Variants in CDK6 observed in about 807,000 individuals in gnomAD.
CDK6 encodes the protein cyclin-dependent kinase 6.
In CDK6, 6 loss-of-function variants were observed where a neutral mutation model predicts 37.1. That is an observed-to-expected ratio of 0.16 (90% CI 0.09 to 0.32). The LOEUF (loss-of-function observed/expected upper bound fraction) is 0.32, where lower values mean the gene tolerates loss of function less well. Ranked by LOEUF, CDK6 falls within the 10% of genes least tolerant of loss-of-function variation. CDK6 has a pLI of 1.00. For missense variants in CDK6, 224 were observed against 418.9 expected, an observed-to-expected ratio of 0.53 and a Z score of 4.06; for synonymous variants, 160 against 161.3, an observed-to-expected ratio of 0.99 and a Z score of 0.06.
At chr7:92,709,985 A>G (rs1798051016) in intron 4 of CDK6, among the ~76,000 whole-genome samples, 1 of 152,228 alleles carries the variant, frequency 6.6e-6, no homozygotes, top group South Asian at 2.1e-4. Context: ...TGCTTTATAA[A>G]ACATTTTATT....
At chr7:92,780,159 G>A (rs1198251105) in intron 2 of CDK6, among the ~76,000 whole-genome samples, 1 of 152,036 alleles carries the variant, frequency 6.6e-6, no homozygotes. Flanking sequence ...TTTTAGTAAG[G>A]ATGGGTTTCA....
At chr7:92,836,241 C>A (rs1043233317) in intron 1 of CDK6, among the ~76,000 whole-genome samples, 1 of 151,596 alleles carries the variant, frequency 6.6e-6, no homozygotes, top group Non-Finnish European at 1.5e-5. Flanking sequence ...GGATCTCCCC[C>A]TCTCATCAGA....
rs1799810174 is a variant in CDK6, at chr7:92,774,890, G to A, written c.234-59C>T. The A allele has an allele frequency of 6.0e-6, 9 of 1,502,742 alleles. No individual in the cohort carries two copies. The Admixed American group carries it at 1.1e-4, about 19-fold the overall frequency. 93.1% of individuals were successfully genotyped at this position (1,502,742 alleles called of 1,614,324 possible). A position where few individuals can be genotyped will look rare whatever the true frequency, so the allele number is the denominator to read the frequency against. On this transcript the variant is annotated intron_variant, in intron 2 of 7. Transcript: ENST00000424848. The stretch of plus-strand genomic sequence containing the variant: ...CAATAAGCAAAGAAGTAACCTGTAT[G>A]TTTTATACATATCGCTCAATTTGGT...
In CDK6 at chr7:92,772,823, T is replaced by A. The variant is rs535152194; in HGVS notation, c.369+1873A>T. ...CTTATCAACATTTTAACTGCACAGA[T>A]GCCTTTGCAAATGATTCCACTCAGT... On this transcript the variant is annotated intron_variant, in intron 3 of 7. Transcript: ENST00000424848. 2.0e-5 allele frequency among the ~76,000 whole-genome samples: 3 copies of A among 152,318 alleles called. No homozygotes were observed. The East Asian group carries it at 5.8e-4, about 29-fold the overall frequency.
chr7:92,788,961 ATT>A (rs533300196), intron 2 of CDK6, among the ~76,000 whole-genome samples: 1 of 147,418 alleles, frequency 6.8e-6, no homozygotes, highest in African/African-American at 2.5e-5. Flanking sequence ...TCTACAAAAG[ATT>A]TTTTTTTTTT....
At chr7:92,780,750 C>T (rs563708214) in intron 2 of CDK6, among the ~76,000 whole-genome samples, 9 of 137,064 alleles carry the variant, frequency 6.6e-5, no homozygotes, top group South Asian at 4.5e-4. Flanking sequence ...GGGCAATGAG[C>T]GAGACTCCAT....
chr7:92,693,978 A>G (rs1797653375), intron 4 of CDK6, among the ~76,000 whole-genome samples: 1 of 152,220 alleles, frequency 6.6e-6, no homozygotes, highest in Admixed American at 6.5e-5. Flanking sequence ...ACGTCTGTTC[A>G]TAATCATTTA....
intron 3 of CDK6, among the ~76,000 whole-genome samples, chr7:92,742,950 C>G (rs1017876924): frequency 6.6e-6 from 1 of 151,614 alleles, no homozygotes; most frequent in Non-Finnish European, 1.5e-5. Context: ...CTAAAATAGG[C>G]TAAAAGGCAG....
intron 2 of CDK6, among the ~76,000 whole-genome samples, chr7:92,775,094 G>T (rs770318423): frequency 2.6e-5 from 4 of 152,230 alleles, no homozygotes; most frequent in African/African-American, 4.8e-5. Context: ...TGGAGCACAA[G>T]AACGCTTGGA....
At chr7:92,720,786 C>A (rs920753298) in intron 4 of CDK6, among the ~76,000 whole-genome samples, 10 of 152,174 alleles carry the variant, frequency 6.6e-5, no homozygotes, top group African/African-American at 2.2e-4. Flanking sequence ...CCATGCACTA[C>A]ATTTCACATG....
intron 5 of CDK6, among the ~76,000 whole-genome samples, chr7:92,639,572 C>T (rs1408677568): frequency 6.6e-6 from 1 of 152,238 alleles, no homozygotes; most frequent in East Asian, 1.9e-4. Flanking sequence ...GGCACCCTCA[C>T]GCCTAATGAT....
At chr7:92,648,090 T>G (rs1460915556) in intron 5 of CDK6, among the ~76,000 whole-genome samples, 1 of 152,126 alleles carries the variant, frequency 6.6e-6, no homozygotes, top group African/African-American at 2.4e-5. Context: ...AACCCGTGTG[T>G]GTGTGTGGGT....
At position 92,614,945 on chromosome 7, in the gene CDK6, C is replaced by G. The variant is rs188317569; in HGVS notation, c.*195G>C. 6.5e-4 allele frequency: 315 copies of G among 484,308 alleles called. No individual in the cohort carries two copies. Among genetic ancestry groups the G allele is most frequent in the African/African-American group, 5.7e-3 (297 of 52,502 alleles). 30.0% of individuals were successfully genotyped at this position (484,308 alleles called of 1,614,324 possible). ...AACAAACAAACAAATGAACATAAAG[C>G]TGCAATCACTCTTGCATTGATTTCA... is the stretch of plus-strand genomic sequence containing the variant. On this transcript the variant is annotated 3_prime_UTR_variant, in exon 8 of 8. Coordinates refer to ENST00000424848, the MANE Select transcript of CDK6 (RefSeq NM_001145306.2).
At chr7:92,726,617 C>T (rs1798518642) in intron 3 of CDK6, among the ~76,000 whole-genome samples, 1 of 152,086 alleles carries the variant, frequency 6.6e-6, no homozygotes, top group African/African-American at 2.4e-5. Context: ...CACTATGTTG[C>T]CCAGGCTGGT....
intron 5 of CDK6, among the ~76,000 whole-genome samples, chr7:92,658,581 T>TCTCTCTCTC (rs1796760977): frequency 6.1e-5 from 9 of 146,532 alleles, no homozygotes; most frequent in African/African-American, 1.8e-4. Context: ...CTCTCTCTCT[T>TCTCTCTCTC]TCTCTCTCTC....
chr7:92,639,423 C>T (rs1166030840), intron 5 of CDK6, among the ~76,000 whole-genome samples: 1 of 152,156 alleles, frequency 6.6e-6, no homozygotes, highest in Non-Finnish European at 1.5e-5. Flanking sequence ...CAAAAATAGT[C>T]TCAATTAAAC....
intron 2 of CDK6, among the ~76,000 whole-genome samples, chr7:92,798,225 T>C (rs931539125): frequency 1.3e-5 from 2 of 152,238 alleles, no homozygotes; most frequent in African/African-American, 4.8e-5. Flanking sequence ...AATCTTTGTA[T>C]ATTTTAGTGC....
In CDK6 at chr7:92,774,780, A is replaced by G. The variant is rs1207092008; in HGVS notation, c.285T>C (p.Thr95=). 3 of 1,613,052 alleles carry G rather than the reference A, an allele frequency of 1.9e-6. No individual in the cohort carries two copies. The highest frequency in any genetic ancestry group is 2.5e-6 in the Non-Finnish European group (3 of 1,179,606). ...VSRTDRETKL[T]LVFEHVDQDL... ...CTTGATCGACATGTTCAAACACTAAAGTTAGTTTGGTTTCTCTGTCTGTTC... is the reference window on the plus strand; with the variant it reads ...CTTGATCGACATGTTCAAACACTAAGGTTAGTTTGGTTTCTCTGTCTGTTC... The change falls in exon 3 of 8, where the codon ACT becomes ACC. Residue 95 remains threonine, a synonymous_variant. Coordinates refer to ENST00000424848, the MANE Select transcript of CDK6 (RefSeq NM_001145306.2).
At position 92,682,484 on chromosome 7, in the gene CDK6, T is replaced by G. The variant is rs555378652; in HGVS notation, c.538-10949A>C. ...TGCCCTGCCTAGTCCTCCGCAAGCA[T>G]AAATGATTGCAGCACTTACATTGCA... On this transcript the variant is annotated intron_variant, in intron 4 of 7. Transcript: ENST00000424848. 1.2e-4 allele frequency among the ~76,000 whole-genome samples: 18 copies of G among 152,344 alleles called. No individual in the cohort carries two copies. In the South Asian group the frequency reaches 3.5e-3, roughly 30 times the overall value.
Sources: gnomAD v4.1 joint callset for allele counts (sites outside exome capture counted in the v4.1 genomes callset) on GRCh38, gnomAD v4.1.1 for gene constraint, MANE v1.5 for transcripts, NCBI Gene and HGNC (gene_info 2026-07-23, HGNC 2026-07-21) for gene names.